Variants in DDTL observed in about 807,000 individuals in gnomAD.
DDTL encodes the protein D-dopachrome tautomerase like, also known as putative D-dopachrome decarboxylase-like protein.
A neutral mutation model predicts 1.1 loss-of-function variants in DDTL; 1 was observed. The observed-to-expected ratio is 0.91, with a 90% confidence interval of 0.32 to 4.31. The LOEUF (loss-of-function observed/expected upper bound fraction) is 4.31. Among genes scored for constraint, DDTL ranks in the 30% most tolerant of loss-of-function variants. The pLI, the probability that DDTL is intolerant of heterozygous loss-of-function variation, is 0.17. For synonymous variants in DDTL, 21 were observed against 16.6 expected (o/e 1.26, Z -0.64); for missense variants, 54 against 48.9 (o/e 1.10, Z -0.31).
Position 23,971,266 on chromosome 22 carries a change from T to C in DDTL, c.285-20T>C. 1.2e-6 allele frequency: 2 copies of C among 1,605,332 alleles called. No homozygotes were observed. The highest frequency in any genetic ancestry group is 2.2e-5 in the South Asian group (2 of 90,024). On this transcript the variant is annotated intron_variant, in intron 2 of 2. Coordinates refer to ENST00000215770, the MANE Select transcript of DDTL (RefSeq NM_001084393.2). ...GTCTCCCAGCCCCAGATCTGAGCAG[T>C]CTAAATCATCCCCCTCCAGGTTCCC...
intron 2 of DDTL, chr22:23,969,397 T>C (rs1335131177): frequency 1.0e-6 from 1 of 983,448 alleles, no homozygotes; most frequent in Non-Finnish European, 1.2e-6. Flanking sequence ...GGAGGCAGAT[T>C]GCCCCTCAGC....
chr22:23,971,390 T>C lies in DDTL; in HGVS notation c.389T>C (p.Phe130Ser). 6.2e-7 allele frequency: 1 copy of C among 1,613,684 alleles called. No individual in the cohort carries two copies. Among genetic ancestry groups the C allele is most frequent in the Non-Finnish European group, 8.5e-7 (1 of 1,179,766 alleles). ...TCATGTTTGAATGAGGAAGCTCTCT[T>C]CATTTATTTCATATGAGGATGAAGA... ...KKSCLNEEAL[F>S]IYFI The change falls in exon 3 of 3, where the codon TTC becomes TCC. Residue 130 changes from phenylalanine to serine, a missense_variant. Phe to Ser is a radical substitution (Grantham distance 155). Transcript: ENST00000215770.
At chr22:23,969,691 A>G in intron 2 of DDTL, 5 of 916,834 alleles carry the variant, frequency 5.5e-6, no homozygotes, top group Non-Finnish European at 6.3e-6. Flanking sequence ...TGGTGGCATG[A>G]GCCTGTGATC....
chr22:23,969,497 C>T, intron 2 of DDTL: 2 of 985,928 alleles, frequency 2.0e-6, no homozygotes, highest in African/African-American at 3.5e-5. Context: ...TGCTGATGTG[C>T]AGCCACCATT....
At position 23,972,313 on chromosome 22, in the gene DDTL, A is replaced by T; in HGVS notation, c.*907A>T. 3 of 791,734 alleles carry T rather than the reference A, an allele frequency of 3.8e-6. No homozygotes were observed. Among genetic ancestry groups the T allele is most frequent in the Non-Finnish European group, 4.6e-6 (3 of 655,844 alleles). 49.0% of individuals were successfully genotyped at this position (791,734 alleles called of 1,614,324 possible). Reference sequence around the variant, plus strand: ...AGTGTATAACACTTGTTGTTAGAGTAACAGTTTTCCCTGAGTATCCGTGGG... The same window carrying T: ...AGTGTATAACACTTGTTGTTAGAGTTACAGTTTTCCCTGAGTATCCGTGGG... On this transcript the variant is annotated 3_prime_UTR_variant, in exon 3 of 3. Transcript: ENST00000215770.
chr22:23,970,613 ATG>A (rs2033883943), intron 2 of DDTL, among the ~76,000 whole-genome samples: 1 of 151,980 alleles, frequency 6.6e-6, no homozygotes, highest in African/African-American at 2.4e-5. Flanking sequence ...CTGGGTGTAT[ATG>A]TGTGTGTACA....
intron 2 of DDTL, among the ~76,000 whole-genome samples, chr22:23,970,708 T>C (rs2033886188): frequency 6.6e-6 from 1 of 152,154 alleles, no homozygotes; most frequent in Non-Finnish European, 1.5e-5. Flanking sequence ...GATGTGTGTA[T>C]GTGCATGGTG....
Position 23,971,645 on chromosome 22 carries a change from A to AT in DDTL, c.*240dup. The AT allele has an allele frequency of 6.2e-7, 1 of 1,607,076 alleles. No individual in the cohort carries two copies. Among genetic ancestry groups the AT allele is most frequent in the Non-Finnish European group, 8.5e-7 (1 of 1,174,544 alleles). On this transcript the variant is annotated 3_prime_UTR_variant, in exon 3 of 3. Coordinates refer to ENST00000215770, the MANE Select transcript of DDTL (RefSeq NM_001084393.2). Reference sequence around the variant, plus strand: ...TATCCTTCAGGAGACAGAGAAAAAGATATCATCAGCTCCTTGGCTAATACC... The same window carrying AT: ...TATCCTTCAGGAGACAGAGAAAAAGATTATCATCAGCTCCTTGGCTAATACC...
Position 23,972,112 on chromosome 22 carries a change from T to G in DDTL, c.*706T>G. ...AAACCAGAACTTGGGACAGCCTGGT[T>G]GGGGCGGGCGGGAGTATGAACAGCC... On this transcript the variant is annotated 3_prime_UTR_variant, in exon 3 of 3. Transcript: ENST00000215770. 2 of 956,134 alleles carry G rather than the reference T, an allele frequency of 2.1e-6. No individual in the cohort carries two copies. The highest frequency in any genetic ancestry group is 2.5e-6 in the Non-Finnish European group (2 of 803,428). 59.2% of individuals were successfully genotyped at this position (956,134 alleles called of 1,614,324 possible).
chr22:23,969,446 CGAT>C, intron 2 of DDTL: 1 of 986,466 alleles, frequency 1.0e-6, no homozygotes, highest in South Asian at 4.7e-5. Context: ...GCAGCACACA[CGAT>C]GAGGCTACTG....
Position 23,971,307 on chromosome 22 carries a change from C to A in DDTL, c.306C>A (p.Thr102=). ...GQDRFPTVLS[T]SPAAHGGPRC... ...CCAGGTTCCCTACGGTCTTATCCAC[C>A]AGCCCTGCTGCCCATGGTGGCCCCA... is the stretch of plus-strand genomic sequence containing the variant. The change falls in exon 3 of 3, where the codon ACC becomes ACA. Residue 102 remains threonine, a synonymous_variant. Coordinates refer to ENST00000215770, the MANE Select transcript of DDTL (RefSeq NM_001084393.2). 2 of 1,613,968 alleles carry A rather than the reference C, an allele frequency of 1.2e-6. No homozygotes were observed. The highest frequency in any genetic ancestry group is 1.7e-6 in the Non-Finnish European group (2 of 1,179,934).
chr22:23,970,753 T>C (rs572467876), intron 2 of DDTL, among the ~76,000 whole-genome samples: 7 of 152,150 alleles, frequency 4.6e-5, no homozygotes, highest in African/African-American at 1.2e-4. Flanking sequence ...GGTGGCACAG[T>C]TGCAACAGGA....
Position 23,972,035 on chromosome 22 carries a change from G to T in DDTL, c.*629G>T, listed in dbSNP as rs1374285875. ...CACCAACCCCGCCACTAATGTCTGGGCCATAAGTGAACATGCCCCTCTCAG... is the reference window on the plus strand; with the variant it reads ...CACCAACCCCGCCACTAATGTCTGGTCCATAAGTGAACATGCCCCTCTCAG... On this transcript the variant is annotated 3_prime_UTR_variant, in exon 3 of 3. Transcript: ENST00000215770. The T allele has an allele frequency of 2.6e-6, 1 of 385,710 alleles. No homozygotes were observed. The highest frequency in any genetic ancestry group is 3.6e-6 in the Non-Finnish European group (1 of 279,810). 23.9% of individuals were successfully genotyped at this position (385,710 alleles called of 1,614,324 possible). A position where few individuals can be genotyped will look rare whatever the true frequency, so the allele number is the denominator to read the frequency against.
At chr22:23,969,935 G>A (rs1431469663) in intron 2 of DDTL, 10 of 841,578 alleles carry the variant, frequency 1.2e-5, no homozygotes, top group African/African-American at 1.8e-5. Flanking sequence ...GAGCGACCTC[G>A]GCTGAACTAA....
Position 23,972,020 on chromosome 22 carries a change from G to T in DDTL, c.*614G>T. 1 of 321,684 alleles carries T rather than the reference G, an allele frequency of 3.1e-6. No homozygotes were observed. Among genetic ancestry groups the T allele is most frequent in the Non-Finnish European group, 4.5e-6 (1 of 220,396 alleles). The allele number at this position is 321,684 out of a possible 1,614,324, so 19.9% of individuals were successfully genotyped here. On this transcript the variant is annotated 3_prime_UTR_variant, in exon 3 of 3. Coordinates refer to ENST00000215770, the MANE Select transcript of DDTL (RefSeq NM_001084393.2). ...GGTGACCCCCCACCCCACCAACCCC[G>T]CCACTAATGTCTGGGCCATAAGTGA...
intron 2 of DDTL, among the ~76,000 whole-genome samples, chr22:23,970,888 G>C (rs1380071987): frequency 6.6e-6 from 1 of 152,168 alleles, no homozygotes; most frequent in South Asian, 2.1e-4. Context: ...GGGGCAGCTG[G>C]GAGGACGGTT....
chr22:23,971,141 C>A, intron 2 of DDTL, 145 bp from the exon 3 acceptor site: 1 of 1,217,210 alleles, frequency 8.2e-7, no homozygotes, highest in Admixed American at 2.4e-5. Flanking sequence ...AGGACAGGAG[C>A]CTCAGGTCAG....
rs536720155 is a variant in DDTL, at chr22:23,969,535, TG to T, written c.285-1746del. The T allele has an allele frequency of 8.4e-5, 83 of 985,312 alleles. 1 individual carries two copies. In the African/African-American group the frequency reaches 1.4e-3, roughly 16 times the overall value. 61.0% of individuals were successfully genotyped at this position (985,312 alleles called of 1,614,324 possible). On this transcript the variant is annotated intron_variant, in intron 2 of 2. Transcript: ENST00000215770. The stretch of plus-strand genomic sequence containing the variant: ...ACACCTGAGTGTCCCACTGCCCTGC[TG>T]GGGGTTGGGGAATGCTCATTACCGG...
Position 23,971,839 on chromosome 22 carries a change from G to A in DDTL, c.*433G>A. On this transcript the variant is annotated 3_prime_UTR_variant, in exon 3 of 3. Transcript: ENST00000215770. ...GGAGGTAGCCGCACATCATGACCCA[G>A]CTAGGACAGACACACAATACAGTAG... 1.7e-6 allele frequency: 1 copy of A among 576,822 alleles called. No individual in the cohort carries two copies. Among genetic ancestry groups the A allele is most frequent in the Non-Finnish European group, 3.1e-6 (1 of 327,030 alleles). The allele number at this position is 576,822 out of a possible 1,614,324, so 35.7% of individuals were successfully genotyped here.
Sources: allele counts gnomAD v4.1 joint callset (sites outside exome capture counted in the v4.1 genomes callset), GRCh38; gene constraint gnomAD v4.1.1; transcripts MANE v1.5; gene names NCBI Gene and HGNC (gene_info 2026-07-23, HGNC 2026-07-21).